Variants in DOP1B observed in about 807,000 individuals in gnomAD.
DOP1B encodes the protein protein DOP1B.
In DOP1B, 174 loss-of-function variants were observed where a neutral mutation model predicts 233.5. The observed-to-expected ratio is 0.75, with a 90% CI of 0.66 to 0.85. The LOEUF is 0.85. DOP1B is among the 40% of genes least tolerant of loss of function. The probability of loss-of-function intolerance (pLI) is 0.00; values close to 1 mark genes in which losing one functional copy is unlikely to be tolerated. For missense variants in DOP1B, 2,652 were observed against 2,846.6 expected (o/e 0.93, Z 1.56); for synonymous variants, 1,190 against 1,185.6 (o/e 1.00, Z -0.08).
chr21:36,217,932 G>A (rs1027545289), intron 9 of DOP1B, among the ~76,000 whole-genome samples: 2 of 152,198 alleles, frequency 1.3e-5, no homozygotes. Flanking sequence ...CCAAGTAAAC[G>A]TTGCTGCTAA....
intron 32 of DOP1B, among the ~76,000 whole-genome samples, chr21:36,283,051 A>G (rs1458588917): frequency 6.7e-6 from 1 of 150,244 alleles, no homozygotes; most frequent in Non-Finnish European, 1.5e-5. Flanking sequence ...TTCTCATAAA[A>G]TGTTCAGGTG....
At chr21:36,242,699 C>T (rs543581810) in intron 18 of DOP1B, among the ~76,000 whole-genome samples, 195 of 152,280 alleles carry the variant, frequency 1.3e-3, no homozygotes, top group Non-Finnish European at 2.1e-3. Flanking sequence ...GGTCTGCTAC[C>T]TCCGAATAGG....
intron 21 of DOP1B, among the ~76,000 whole-genome samples, chr21:36,249,743 A>G (rs1031926339): frequency 2.6e-5 from 4 of 152,116 alleles, no homozygotes; most frequent in African/African-American, 4.8e-5. Flanking sequence ...GCATCTCAGA[A>G]TTATCTGCCA....
chr21:36,161,862 C>T (rs1475267803), intron 1 of DOP1B, among the ~76,000 whole-genome samples: 1 of 152,196 alleles, frequency 6.6e-6, no homozygotes, highest in Non-Finnish European at 1.5e-5. Context: ...CATACAATGT[C>T]TGGTCTTGTG....
At chr21:36,247,336 A>C (rs1260041278) in intron 19 of DOP1B, among the ~76,000 whole-genome samples, 181 bp from the exon 20 acceptor site, 1 of 152,250 alleles carries the variant, frequency 6.6e-6, no homozygotes, top group East Asian at 1.9e-4. Flanking sequence ...AAGTGACTAT[A>C]TGAATGTAAA....
At chr21:36,257,633 GATAGATAGAAGTAGT>G in intron 23 of DOP1B, among the ~76,000 whole-genome samples, 1 of 136,972 alleles carries the variant, frequency 7.3e-6, no homozygotes, top group Non-Finnish European at 1.7e-5. Context: ...TAGATAGATA[GATAGATAGAAGTAGT>G]TAGGTAAATA....
At chr21:36,255,799 AGAG>A (rs78258745) in intron 23 of DOP1B, among the ~76,000 whole-genome samples, 34,756 of 152,038 alleles carry the variant, frequency 0.23, 4,294 homozygotes, top group Middle Eastern at 0.3. Flanking sequence ...ACTCTGAGAA[AGAG>A]GAGATTTCAT....
chr21:36,258,083 A>G lies in DOP1B; in HGVS notation c.5260-2594A>G, dbSNP rs550717688. Among the ~76,000 whole-genome samples the G allele has an allele frequency of 5.3e-5, 8 of 151,854 alleles. No homozygotes were observed. The South Asian group carries it at 6.2e-4, about 12-fold the overall frequency. On this transcript the variant is annotated intron_variant, in intron 23 of 36. Coordinates refer to ENST00000691173, the MANE Select transcript of DOP1B (RefSeq NM_001320714.2). ...TAGGTAGGTAGGTAGATGTAGGTAG[A>G]TAGATAGATAGATGTAGGTAGGTAG...
intron 1 of DOP1B, among the ~76,000 whole-genome samples, chr21:36,159,469 A>G (rs950874056): frequency 6.6e-6 from 1 of 152,198 alleles, no homozygotes; most frequent in Non-Finnish European, 1.5e-5. Context: ...AAGAAGAAAA[A>G]CAAATGCATG....
intron 4 of DOP1B, among the ~76,000 whole-genome samples, chr21:36,204,587 G>A (rs1445749128): frequency 6.6e-6 from 1 of 151,584 alleles, no homozygotes; most frequent in Non-Finnish European, 1.5e-5. Context: ...AGGATAAAAC[G>A]ATCCTCCGGC....
intron 4 of DOP1B, among the ~76,000 whole-genome samples, chr21:36,208,184 C>T (rs1434412630): frequency 6.6e-6 from 1 of 151,916 alleles, no homozygotes; most frequent in Non-Finnish European, 1.5e-5. Context: ...TCGTGGGAGG[C>T]CCCAGGCAGA....
intron 32 of DOP1B, among the ~76,000 whole-genome samples, chr21:36,283,469 C>T (rs544286661): frequency 5.9e-5 from 9 of 152,316 alleles, no homozygotes; most frequent in African/African-American, 2.2e-4. Context: ...AACACCTTTA[C>T]ACTTTAACTG....
chr21:36,169,564 A>G (rs2065951427), intron 2 of DOP1B: 2 of 1,098,444 alleles, frequency 1.8e-6, no homozygotes, highest in Admixed American at 1.7e-5. Context: ...CTTGGTTCAC[A>G]GGTACCTGCT....
chr21:36,243,129 G>T (rs999723052), intron 18 of DOP1B, among the ~76,000 whole-genome samples: 1 of 151,808 alleles, frequency 6.6e-6, no homozygotes. Flanking sequence ...ACAGGCACGC[G>T]CCGCCACGCC....
In DOP1B at chr21:36,293,422, C is replaced by G. The variant is rs768456173; in HGVS notation, c.6748C>G (p.Leu2250Val). 4 of 1,614,184 alleles carry G rather than the reference C, an allele frequency of 2.5e-6. No individual in the cohort carries two copies. Among genetic ancestry groups the G allele is most frequent in the African/African-American group, 1.3e-5 (1 of 75,054 alleles). Residue 2250 changes from leucine (L) to valine (V), a missense_variant, in exon 37 of 37, where the codon CTA becomes GTA. Physicochemically the swap from Leu to Val is conservative, Grantham distance 32. Coordinates refer to ENST00000691173, the MANE Select transcript of DOP1B (RefSeq NM_001320714.2). ...IRQLMPFFMTLNGAFKTQRQL... is the reference protein window; with the variant it reads ...IRQLMPFFMTVNGAFKTQRQL... ...GCAGTTGATGCCATTCTTCATGACTCTAAATGGTGCATTTAAGACCCAGAG... is the reference window on the plus strand; with the variant it reads ...GCAGTTGATGCCATTCTTCATGACTGTAAATGGTGCATTTAAGACCCAGAG...
At chr21:36,261,084 G>C in intron 24 of DOP1B, 1 of 1,018,952 alleles carries the variant, frequency 9.8e-7, no homozygotes, top group African/African-American at 1.7e-5. Flanking sequence ...GGAGAAATGG[G>C]CCAGGCGCGG....
In DOP1B at chr21:36,265,292, A is replaced by T. The variant is rs142831391; in HGVS notation, c.5487+1478A>T. Among the ~76,000 whole-genome samples the T allele has an allele frequency of 5.7e-3, 874 of 152,306 alleles. 11 individuals carry two copies. Among genetic ancestry groups the T allele is most frequent in the African/African-American group, 0.02 (838 of 41,560 alleles). On this transcript the variant is annotated intron_variant, in intron 26 of 36. Transcript: ENST00000691173. ...ATGCCTATAATCCCAGCTACTCAGG[A>T]GGCTGAGGCAGGAGAATCGCTTGAA... is the stretch of plus-strand genomic sequence containing the variant.
intron 24 of DOP1B, among the ~76,000 whole-genome samples, chr21:36,262,075 A>G (rs1040498901): frequency 1.3e-5 from 2 of 152,152 alleles, no homozygotes; most frequent in African/African-American, 4.8e-5. Flanking sequence ...CACTCACCAC[A>G]TTCTGAAGTT....
At chr21:36,211,865 C>A in intron 6 of DOP1B, 109 bp from the exon 7 acceptor site, 2 of 1,519,016 alleles carry the variant, frequency 1.3e-6, no homozygotes, top group Non-Finnish European at 1.8e-6. Context: ...AAGGAACCAG[C>A]CCATTTTGAG....
Sources: allele counts gnomAD v4.1 joint callset (sites outside exome capture counted in the v4.1 genomes callset), GRCh38; gene constraint gnomAD v4.1.1; transcripts MANE v1.5; gene names NCBI Gene and HGNC (gene_info 2026-07-23, HGNC 2026-07-21).